Variants in WWC2 observed in about 807,000 individuals in gnomAD.
The protein encoded by WWC2 is protein WWC2.
WWC2 carries 101 observed loss-of-function variants against 138.5 expected under a neutral mutation model. The ratio of observed to expected loss-of-function variants is 0.73; its 90% CI spans 0.62 to 0.86. The LOEUF is 0.86. Ranked by LOEUF, WWC2 falls within the 40% of genes least tolerant of loss-of-function variation. WWC2 has a pLI of 0.00. For synonymous variants in WWC2, 558 were observed against 538.4 expected (o/e 1.04, Z -0.50); for missense variants, 1,420 against 1,419.4 (o/e 1.00, Z -0.01).
chr4:183,302,817 A>G (rs558893232), intron 21 of WWC2, among the ~76,000 whole-genome samples: 67 of 152,300 alleles, frequency 4.4e-4, no homozygotes, highest in Admixed American at 1.6e-3. Context: ...TAATTCCAGC[A>G]TTGTGTGAGG....
chr4:183,203,831 G>A (rs1735367509), intron 2 of WWC2, among the ~76,000 whole-genome samples: 1 of 151,988 alleles, frequency 6.6e-6, no homozygotes, highest in Non-Finnish European at 1.5e-5. Flanking sequence ...TTGTTTTCAA[G>A]AGCGATTCTT....
chr4:183,152,709 C>G (rs1733676881), intron 1 of WWC2, among the ~76,000 whole-genome samples: 1 of 151,760 alleles, frequency 6.6e-6, no homozygotes, highest in South Asian at 2.1e-4. Context: ...ATGGTGAAAC[C>G]TGTCTTTACT....
At chr4:183,152,541 A>C (rs893535776) in intron 1 of WWC2, among the ~76,000 whole-genome samples, 3 of 151,332 alleles carry the variant, frequency 2.0e-5, no homozygotes, top group Admixed American at 6.6e-5. Context: ...AAAAAAAAAA[A>C]AAAAACGCAC....
At chr4:183,288,682 A>G (rs1738332898) in intron 20 of WWC2, among the ~76,000 whole-genome samples, 1 of 152,152 alleles carries the variant, frequency 6.6e-6, no homozygotes, top group Non-Finnish European at 1.5e-5. Context: ...ACATTTATTC[A>G]TATATGTTCA....
chr4:183,110,174 T>G (rs995071917), intron 1 of WWC2, among the ~76,000 whole-genome samples: 2 of 152,210 alleles, frequency 1.3e-5, no homozygotes, highest in African/African-American at 4.8e-5. Flanking sequence ...GCTATATAAT[T>G]CTTAAGAAGA....
intron 1 of WWC2, among the ~76,000 whole-genome samples, chr4:183,102,002 G>A (rs1743196294): frequency 6.6e-6 from 1 of 152,208 alleles, no homozygotes; most frequent in Non-Finnish European, 1.5e-5. Context: ...TAGTAGGGGA[G>A]GCTAGGGCAT....
chr4:183,235,374 A>G (rs1736389671), intron 4 of WWC2, among the ~76,000 whole-genome samples: 1 of 152,154 alleles, frequency 6.6e-6, no homozygotes, highest in South Asian at 2.1e-4. Context: ...TTAACATGAG[A>G]TCTGCCCTCT....
At chr4:183,173,574 T>C (rs1201343571) in intron 1 of WWC2, among the ~76,000 whole-genome samples, 1 of 151,938 alleles carries the variant, frequency 6.6e-6, no homozygotes, top group Non-Finnish European at 1.5e-5. Flanking sequence ...GAGACAGGAT[T>C]AACTTCCCTG....
intron 4 of WWC2, among the ~76,000 whole-genome samples, chr4:183,226,095 C>CTTTTTTT (rs11321151): frequency 6.2e-5 from 7 of 113,488 alleles, no homozygotes; most frequent in African/African-American, 9.4e-5. Flanking sequence ...CTTTTCTTTT[C>CTTTTTTT]TTTTTTTTTT....
chr4:183,254,656 A>G (rs1580114306), intron 9 of WWC2, among the ~76,000 whole-genome samples: 3 of 152,370 alleles, frequency 2.0e-5, no homozygotes, highest in African/African-American at 4.8e-5. Context: ...ACGCATCTGC[A>G]TAAGAGCCTG....
intron 2 of WWC2, among the ~76,000 whole-genome samples, chr4:183,199,430 A>G (rs1022039946): frequency 2.0e-5 from 3 of 152,238 alleles, no homozygotes; most frequent in Admixed American, 6.5e-5. Flanking sequence ...CGCTCAAGGC[A>G]TTAATTGTGT....
intron 1 of WWC2, among the ~76,000 whole-genome samples, chr4:183,107,883 T>G (rs1440520161): frequency 6.6e-6 from 1 of 151,970 alleles, no homozygotes; most frequent in African/African-American, 2.4e-5. Context: ...ATTTAAAAAG[T>G]GAAAGAAAAT....
chr4:183,298,144 C>T (rs1201875915), intron 21 of WWC2, among the ~76,000 whole-genome samples: 1 of 152,180 alleles, frequency 6.6e-6, no homozygotes, highest in Non-Finnish European at 1.5e-5. Context: ...AAGAAAATTT[C>T]AGCTTAACAA....
At chr4:183,296,640 A>T (rs1034119795) in intron 21 of WWC2, among the ~76,000 whole-genome samples, 3 of 152,094 alleles carry the variant, frequency 2.0e-5, no homozygotes, top group African/African-American at 4.8e-5. Flanking sequence ...TTGCTTAGAA[A>T]TTATTTCTTA....
chr4:183,182,794 CAT>C (rs889965821), intron 1 of WWC2, among the ~76,000 whole-genome samples: 8 of 152,214 alleles, frequency 5.3e-5, no homozygotes, highest in African/African-American at 9.6e-5. Context: ...AGTCAGGAAA[CAT>C]ATGTATCAAC....
chr4:183,156,138 T>C (rs1733797553), intron 1 of WWC2, among the ~76,000 whole-genome samples: 1 of 152,102 alleles, frequency 6.6e-6, no homozygotes, highest in African/African-American at 2.4e-5. Flanking sequence ...GCTATTCTCC[T>C]GCCTCAGCCT....
At chr4:183,258,706 A>C (rs1737229735) in intron 9 of WWC2, among the ~76,000 whole-genome samples, 1 of 152,204 alleles carries the variant, frequency 6.6e-6, no homozygotes, top group Admixed American at 6.5e-5. Context: ...TACAGATGAG[A>C]AAAGTAAGAC....
intron 2 of WWC2, among the ~76,000 whole-genome samples, chr4:183,199,885 C>T (rs1735253264): frequency 6.6e-6 from 1 of 152,122 alleles, no homozygotes; most frequent in Non-Finnish European, 1.5e-5. Context: ...ATTATAATGC[C>T]ATGAGCTCCC....
At position 183,315,703 on chromosome 4, in the gene WWC2, C is replaced by G. The variant is rs751517409; in HGVS notation, c.3553C>G (p.Pro1185Ala). ...AYFTRAKISIPSLPADDV is the reference protein window; with the variant it reads ...AYFTRAKISIASLPADDV ...CTTCACCAGAGCAAAGATAAGCATC[C>G]CATCCCTGCCAGCTGATGATGTGTG... The change falls in exon 23 of 23, where the codon CCA (proline) becomes GCA (alanine). Residue 1185 changes from proline (P) to alanine (A), a missense_variant. By Grantham distance (27) the Pro-to-Ala change is conservative. Coordinates refer to ENST00000403733, the MANE Select transcript of WWC2 (RefSeq NM_024949.6). The G allele has an allele frequency of 6.2e-7, 1 of 1,613,328 alleles. No homozygotes were observed. The highest frequency in any genetic ancestry group is 1.1e-5 in the South Asian group (1 of 90,936).
Sources: gnomAD v4.1 joint callset for allele counts (sites outside exome capture counted in the v4.1 genomes callset) on GRCh38, gnomAD v4.1.1 for gene constraint, MANE v1.5 for transcripts, NCBI Gene and HGNC (gene_info 2026-07-23, HGNC 2026-07-21) for gene names.